The following NFYA variants were observed in gnomAD, a reference collection of about 807,000 sequenced individuals.
NFYA encodes nuclear transcription factor Y subunit alpha.
NFYA carries 28 observed loss-of-function variants against 52.8 expected under a neutral mutation model. The ratio of observed to expected loss-of-function variants is 0.53; its 90% CI spans 0.39 to 0.73. NFYA has a LOEUF of 0.73. Ranked by LOEUF, NFYA falls within the 30% of genes least tolerant of loss-of-function variation. The pLI, the probability that NFYA is intolerant of heterozygous loss-of-function variation, is 0.00. For missense variants in NFYA, 234 were observed against 427.0 expected (o/e 0.55, Z 3.98); for synonymous variants, 150 against 150.7 (o/e 1.00, Z 0.03).
chr6:41,096,827 C>T (rs1196709753), intron 9 of NFYA, among the ~76,000 whole-genome samples: 1 of 152,224 alleles, frequency 6.6e-6, no homozygotes, highest in Non-Finnish European at 1.5e-5. Flanking sequence ...TTAGCCCTTG[C>T]TGGACTCCTA....
intron 6 of NFYA, among the ~76,000 whole-genome samples, chr6:41,090,850 A>G (rs74599163): frequency 5.2e-4 from 79 of 152,386 alleles, no homozygotes; most frequent in African/African-American, 1.9e-3. Context: ...GGAGGAGTGC[A>G]GAAACTGAAC....
chr6:41,090,093 G>C, intron 5 of NFYA, 111 bp from the exon 6 acceptor site: 1 of 695,646 alleles, frequency 1.4e-6, no homozygotes, highest in Non-Finnish European at 2.4e-6. Flanking sequence ...CCAGCCTGGC[G>C]ACAGAGTGAG....
rs1404547980 is a variant in NFYA, at chr6:41,092,959, A to C, written c.762A>C (p.Leu254=). Residue 254 remains leucine (L), a synonymous_variant, in exon 8 of 10, where the codon CTA becomes CTC. Coordinates refer to ENST00000341376, the MANE Select transcript of NFYA (RefSeq NM_002505.5). ...TGCCTGCTATCCAAAGAATCCCTCTACCTGGAGCAGAGATGCTTGAAGAAG... is the reference window on the plus strand; with the variant it reads ...TGCCTGCTATCCAAAGAATCCCTCTCCCTGGAGCAGAGATGCTTGAAGAAG... ...GSVPAIQRIP[L]PGAEMLEEEP... The C allele has an allele frequency of 6.2e-7, 1 of 1,614,060 alleles. No homozygotes were observed. The highest frequency in any genetic ancestry group is 1.1e-5 in the South Asian group (1 of 91,068).
At position 41,097,568 on chromosome 6, in the gene NFYA, G is replaced by A; in HGVS notation, c.*158G>A. ...TAAGTGGCTCAGTATTACAATTGCAGCGATGCCTGGCAAATTGAAGTTGCA... is the reference window on the plus strand; with the variant it reads ...TAAGTGGCTCAGTATTACAATTGCAACGATGCCTGGCAAATTGAAGTTGCA... On this transcript the variant is annotated 3_prime_UTR_variant, in exon 10 of 10. Transcript: ENST00000341376. The A allele has an allele frequency of 1.5e-6, 1 of 669,532 alleles. No individual in the cohort carries two copies. The highest frequency in any genetic ancestry group is 2.0e-5 in the South Asian group (1 of 51,104). 41.5% of individuals were successfully genotyped at this position (669,532 alleles called of 1,614,324 possible). A position where few individuals can be genotyped will look rare whatever the true frequency, so the allele number is the denominator to read the frequency against.
At chr6:41,083,739 A>G (rs1022002484) in intron 3 of NFYA, among the ~76,000 whole-genome samples, 25 of 152,312 alleles carry the variant, frequency 1.6e-4, no homozygotes, top group Admixed American at 1.5e-3. Flanking sequence ...TAACCTTGCC[A>G]TTATGATTAA....
chr6:41,078,438 G>A (rs2294694), intron 1 of NFYA, among the ~76,000 whole-genome samples: 59,194 of 151,916 alleles, frequency 0.39, 12,169 homozygotes, highest in African/African-American at 0.52. Flanking sequence ...TTATATATCT[G>A]TCCTCCCTCC....
At chr6:41,078,041 A>G (rs1763789581) in intron 1 of NFYA, among the ~76,000 whole-genome samples, 1 of 151,996 alleles carries the variant, frequency 6.6e-6, no homozygotes, top group Non-Finnish European at 1.5e-5. Flanking sequence ...TCAAGTGTGC[A>G]GTGAAATCAA....
Position 41,091,644 on chromosome 6 carries a change from G to A in NFYA, c.664G>A (p.Val222Met), listed in dbSNP as rs1764198874. ...TTSSGQGTVT[V>M]TLPVAGNVVN... Reference sequence around the variant, plus strand: ...CAGCAGTGGGCAAGGGACTGTCACTGTGACACTACCAGTGGCAGGCAATGT... The same window carrying A: ...CAGCAGTGGGCAAGGGACTGTCACTATGACACTACCAGTGGCAGGCAATGT... Residue 222 changes from valine to methionine, a missense_variant, in exon 7 of 10, where the codon GTG becomes ATG. Physicochemically the swap from Val to Met is conservative, Grantham distance 21 (BLOSUM62 1). Coordinates refer to ENST00000341376, the MANE Select transcript of NFYA (RefSeq NM_002505.5). The A allele has an allele frequency of 6.2e-7, 1 of 1,614,088 alleles. No individual in the cohort carries two copies.
intron 8 of NFYA, among the ~76,000 whole-genome samples, chr6:41,093,751 G>T (rs564294496): frequency 5.3e-5 from 8 of 152,320 alleles, no homozygotes; most frequent in African/African-American, 1.9e-4. Flanking sequence ...GATTATAGGC[G>T]TGAGCCACCA....
chr6:41,089,781 T>G, intron 5 of NFYA, 71 bp downstream of exon 5: 1 of 1,566,582 alleles, frequency 6.4e-7, no homozygotes, highest in South Asian at 1.2e-5. Context: ...GTCAGATATT[T>G]CATGTATAGC....
Position 41,084,202 on chromosome 6 carries a change from A to G in NFYA, c.309+10A>G. ...ACAGGGTTTGCAGCAAGTGAGTAAT[A>G]TTTAAAAATATTGAGCAGTATATCA... On this transcript the variant is annotated intron_variant, in intron 4 of 9. Transcript: ENST00000341376. 6.2e-7 allele frequency: 1 copy of G among 1,613,338 alleles called. No homozygotes were observed. Among genetic ancestry groups the G allele is most frequent in the South Asian group, 1.1e-5 (1 of 90,894 alleles).
intron 4 of NFYA, among the ~76,000 whole-genome samples, chr6:41,085,103 G>C (rs1285934278): frequency 6.6e-6 from 1 of 152,092 alleles, no homozygotes; most frequent in Admixed American, 6.6e-5. Flanking sequence ...TGGATGTGGA[G>C]AAAAAGAATT....
intron 3 of NFYA, among the ~76,000 whole-genome samples, chr6:41,081,991 AC>A (rs1763923477): frequency 6.6e-6 from 1 of 152,226 alleles, no homozygotes; most frequent in African/African-American, 2.4e-5. Context: ...TATGTAGGTT[AC>A]TTTTATTAAA....
intron 3 of NFYA, among the ~76,000 whole-genome samples, chr6:41,081,291 C>T (rs954477260): frequency 6.6e-6 from 1 of 152,042 alleles, no homozygotes. Flanking sequence ...AGATCGAGAC[C>T]ATCCTGGCAA....
rs747532649 is a variant in NFYA, at chr6:41,080,851, C to A, written c.116C>A (p.Ala39Asp). Residue 39 changes from alanine to aspartate, a missense_variant, in exon 3 of 10, where the codon GCC (alanine) becomes GAC (aspartate). Ala to Asp is a moderately radical substitution (Grantham distance 126, BLOSUM62 -2). Around this residue, in one of 3 missense-constraint regions of NFYA, gnomAD observed 118 missense variants for 182.4 expected, o/e 0.65. Coordinates refer to ENST00000341376, the MANE Select transcript of NFYA (RefSeq NM_002505.5). ...ACTGCTGTGCAGTTGCAGACTGAGG[C>A]CCAGGTGGCATCCGCCTCAGGCCAG... ...GVTAVQLQTE[A>D]QVASASGQQV... is the part of the protein sequence containing the mutation. 70 of 1,613,936 alleles carry A rather than the reference C, an allele frequency of 4.3e-5. No individual in the cohort carries two copies. The highest frequency in any genetic ancestry group is 5.8e-5 in the Non-Finnish European group (69 of 1,179,922).
chr6:41,081,227 C>T (rs562899207), intron 3 of NFYA, among the ~76,000 whole-genome samples: 2 of 152,108 alleles, frequency 1.3e-5, no homozygotes, highest in Non-Finnish European at 2.9e-5. Context: ...CGGTGGCTCA[C>T]GCCTGTAATC....
chr6:41,080,985 GA>G, intron 3 of NFYA, 88 bp downstream of exon 3: 1 of 1,021,268 alleles, frequency 9.8e-7, no homozygotes, highest in South Asian at 1.4e-5. Flanking sequence ...TCTCCAGTAG[GA>G]ATGGCAAAGT....
chr6:41,098,235 C>G lies in NFYA; in HGVS notation c.*825C>G, dbSNP rs1055151480. The G allele has an allele frequency of 6.6e-6, 1 of 152,586 alleles. No homozygotes were observed. Among genetic ancestry groups the G allele is most frequent in the African/African-American group, 2.4e-5 (1 of 41,420 alleles). 9.5% of individuals were successfully genotyped at this position (152,586 alleles called of 1,614,324 possible). A position where few individuals can be genotyped will look rare whatever the true frequency, so the allele number is the denominator to read the frequency against. The stretch of plus-strand genomic sequence containing the variant: ...TTCCTAAGTAGAGAACAAGACTATT[C>G]AACAACTTCTTTGCTGAAGCACTGA... On this transcript the variant is annotated 3_prime_UTR_variant, in exon 10 of 10. Coordinates refer to ENST00000341376, the MANE Select transcript of NFYA (RefSeq NM_002505.5).
intron 3 of NFYA, among the ~76,000 whole-genome samples, chr6:41,081,705 G>A (rs1315725378): frequency 6.7e-6 from 1 of 150,320 alleles, no homozygotes; most frequent in African/African-American, 2.5e-5. Flanking sequence ...ACTGAATCTT[G>A]TTAATCTCTT....
Sources: allele counts gnomAD v4.1 joint callset (sites outside exome capture counted in the v4.1 genomes callset), GRCh38; gene constraint gnomAD v4.1.1; regional missense constraint gnomAD v4.1.1; transcripts MANE v1.5; gene names NCBI Gene and HGNC (gene_info 2026-07-23, HGNC 2026-07-21).